TENM2: variants seen among roughly 807,000 people sequenced by gnomAD.
The protein encoded by TENM2 is teneurin-2.
TENM2 carries 52 observed loss-of-function variants against 245.2 expected under a neutral mutation model. That is an observed-to-expected ratio of 0.21 (90% CI 0.17 to 0.27). The LOEUF is 0.27. Among genes scored for constraint, TENM2 ranks in the 10% least tolerant of loss-of-function variants. The pLI is 1.00. For synonymous variants in TENM2, 1,363 were observed against 1,438.9 expected (o/e 0.95, Z 1.19); for missense variants, 3,046 against 3,666.8 (o/e 0.83, Z 4.37).
At chr5:167,601,870 T>A (rs1776659737) in intron 2 of TENM2, among the ~76,000 whole-genome samples, 1 of 152,156 alleles carries the variant, frequency 6.6e-6, no homozygotes, top group African/African-American at 2.4e-5. Context: ...GCAACCAATT[T>A]CTAATTCTCA....
intron 2 of TENM2, among the ~76,000 whole-genome samples, chr5:167,482,827 T>A (rs1448253010): frequency 1.3e-5 from 2 of 152,204 alleles, no homozygotes; most frequent in African/African-American, 4.8e-5. Flanking sequence ...CAGTGCTTAC[T>A]CAGTGTCTGA....
At chr5:167,402,479 A>C (rs1303822905) in intron 2 of TENM2, among the ~76,000 whole-genome samples, 1 of 152,116 alleles carries the variant, frequency 6.6e-6, no homozygotes, top group African/African-American at 2.4e-5. Flanking sequence ...AACATGTATC[A>C]AGTATGGATA....
intron 3 of TENM2, among the ~76,000 whole-genome samples, chr5:167,883,630 TCTCC>T (rs1774055231): frequency 6.6e-6 from 1 of 152,182 alleles, no homozygotes; most frequent in Admixed American, 6.5e-5. Flanking sequence ...ACATTCTACC[TCTCC>T]ATTTCTGTCC....
chr5:167,518,824 A>G (rs183782910), intron 2 of TENM2, among the ~76,000 whole-genome samples: 3 of 152,094 alleles, frequency 2.0e-5, no homozygotes, highest in African/African-American at 7.2e-5. Context: ...TGCTTGATTC[A>G]GCTGGGGCCA....
intron 7 of TENM2, among the ~76,000 whole-genome samples, chr5:168,085,119 T>A (rs753567327): frequency 6.6e-5 from 10 of 152,270 alleles, no homozygotes; most frequent in Non-Finnish European, 1.0e-4. Context: ...ACCACTGTTC[T>A]CTTCTGAGAT....
chr5:167,283,145 G>A (rs1313974099), upstream of TENM2, among the ~76,000 whole-genome samples: 1 of 151,920 alleles, frequency 6.6e-6, no homozygotes, highest in African/African-American at 2.4e-5. Context: ...CTGGGTTCCA[G>A]CAATTCTCCT....
rs138400027 is a variant in TENM2 at position 167,450,911 on chromosome 5, C to G, written c.502+75438C>G. Among the ~76,000 whole-genome samples, 289 of 152,246 alleles carry G rather than the reference C, an allele frequency of 1.9e-3. 1 individual carries two copies. Among genetic ancestry groups the G allele is most frequent in the African/African-American group, 6.6e-3 (273 of 41,562 alleles). ...TAATATCACATCATATTTCACTGTT[C>G]TGACTCTTTAATGTGTTGATATCCG... On this transcript the variant is annotated intron_variant, in intron 2 of 28. Transcript: ENST00000518659.
Position 167,849,150 on chromosome 5 carries a change from A to G in TENM2, c.503-26836A>G, listed in dbSNP as rs1410530996. Among the ~76,000 whole-genome samples the G allele has an allele frequency of 2.0e-5, 3 of 152,282 alleles. No homozygotes were observed. The East Asian group carries it at 5.8e-4, about 29-fold the overall frequency. On this transcript the variant is annotated intron_variant, in intron 2 of 28. Transcript: ENST00000518659. ...TACTTCCTTGCCTTTTCCAGCTTTT[A>G]TAAGCTGCCTGCATTCTTTGGTTCA... is the stretch of plus-strand genomic sequence containing the variant.
intron 2 of TENM2, among the ~76,000 whole-genome samples, chr5:167,385,862 G>A (rs948389029): frequency 0.015 from 1,303 of 89,598 alleles, 7 homozygotes; most frequent in Non-Finnish European, 0.02. Flanking sequence ...ATATATGTGT[G>A]TGTGTGTGTG....
chr5:167,321,769 C>T (rs1323558337), intron 1 of TENM2, among the ~76,000 whole-genome samples: 1 of 112,684 alleles, frequency 8.9e-6, no homozygotes, highest in African/African-American at 3.4e-5. Context: ...AATCTGTTGT[C>T]TTGCTGCCTT....
the TENM2 span, among the ~76,000 whole-genome samples, chr5:167,242,046 G>GTTTTT: frequency 6.8e-5 from 9 of 131,504 alleles, no homozygotes; most frequent in African/African-American, 2.6e-4. Flanking sequence ...TTTGTTTTTT[G>GTTTTT]TTTTTTTTTT....
intron 2 of TENM2, among the ~76,000 whole-genome samples, chr5:167,844,731 C>T (rs1477424858): frequency 6.6e-6 from 1 of 151,800 alleles, no homozygotes; most frequent in African/African-American, 2.4e-5. Context: ...CTCCTTCCAT[C>T]TGTCTGCCAT....
chr5:168,047,492 A>C, exon 6 of TENM2: 1 of 1,551,730 alleles, frequency 6.4e-7, no homozygotes. Context: ...TAACAATGGG[A>C]TAAGGACCGG....
At chr5:168,046,723 C>T (rs907759373) in intron 5 of TENM2, among the ~76,000 whole-genome samples, 3 of 152,106 alleles carry the variant, frequency 2.0e-5, no homozygotes, top group East Asian at 1.9e-4. Context: ...AAAGTGAGAG[C>T]GACAGAGACA....
At chr5:167,320,942 C>CA (rs1386600574) in intron 1 of TENM2, among the ~76,000 whole-genome samples, 8 of 98,520 alleles carry the variant, frequency 8.1e-5, no homozygotes, top group African/African-American at 2.9e-4. Context: ...TAAAGACAAA[C>CA]AAACAAAAAA....
At chr5:167,064,374 G>C in the TENM2 span, among the ~76,000 whole-genome samples, 14 of 152,216 alleles carry the variant, frequency 9.2e-5, no homozygotes, top group Admixed American at 2.0e-4. Flanking sequence ...GAAGCAGCTT[G>C]TAAGCATATC....
chr5:167,034,143 A>G, the TENM2 span, among the ~76,000 whole-genome samples: 2 of 152,178 alleles, frequency 1.3e-5, no homozygotes, highest in Non-Finnish European at 2.9e-5. Context: ...GTTTGCCTAC[A>G]ACTAAGACTA....
chr5:168,125,017 G>A (rs769802847), exon 11 of TENM2: 13 of 1,609,462 alleles, frequency 8.1e-6, no homozygotes, highest in Middle Eastern at 1.7e-4. Flanking sequence ...CTGCAGCTGC[G>A]ATCCCAACTG....
At chr5:167,289,492 A>T (rs935456127) in intron 1 of TENM2, among the ~76,000 whole-genome samples, 1 of 152,204 alleles carries the variant, frequency 6.6e-6, no homozygotes, top group African/African-American at 2.4e-5. Context: ...TTTTGAAAGT[A>T]TGCTTGCATC....
Sources: gnomAD v4.1 joint callset for allele counts (sites outside exome capture counted in the v4.1 genomes callset) on GRCh38, gnomAD v4.1.1 for gene constraint, MANE v1.5 for transcripts, NCBI Gene and HGNC (gene_info 2026-07-23, HGNC 2026-07-21) for gene names.